TSPEAR: variants seen among roughly 807,000 people sequenced by gnomAD.
TSPEAR encodes thrombospondin type laminin G domain and EAR repeats.
In TSPEAR, 69 loss-of-function variants were observed where a neutral mutation model predicts 71.6. The observed-to-expected ratio is 0.96, with a 90% CI of 0.79 to 1.18. The LOEUF is 1.18. Among genes scored for constraint, TSPEAR ranks in the 50% most tolerant of loss-of-function variants. The pLI is 0.00. For synonymous variants in TSPEAR, 402 were observed against 387.2 expected (o/e 1.04, Z -0.45); for missense variants, 971 against 894.9 (o/e 1.09, Z -1.09).
At chr21:44,517,860 C>T (rs1555913688) in intron 9 of TSPEAR, 1 of 471,152 alleles carries the variant, frequency 2.1e-6, no homozygotes, top group Non-Finnish European at 4.4e-6. Flanking sequence ...CTCTCGCGCT[C>T]CTTGGGCTCA....
At chr21:44,524,507 T>G (rs587654359) in intron 8 of TSPEAR, among the ~76,000 whole-genome samples, 6 of 151,910 alleles carry the variant, frequency 3.9e-5, no homozygotes, top group East Asian at 2.0e-4. Context: ...AGGTAGTCAG[T>G]CAGGCAGTCA....
At chr21:44,516,756 C>T (rs2052585197) in intron 9 of TSPEAR, among the ~76,000 whole-genome samples, 1 of 152,204 alleles carries the variant, frequency 6.6e-6, no homozygotes, top group South Asian at 2.1e-4. Context: ...AAACATTCTC[C>T]TTTCATGCTT....
chr21:44,572,628 G>A (rs1244463060), intron 1 of TSPEAR, among the ~76,000 whole-genome samples: 3 of 151,778 alleles, frequency 2.0e-5, no homozygotes, highest in African/African-American at 7.3e-5. Context: ...CCGTGCCCAC[G>A]TCCTCATCCC....
At chr21:44,567,138 A>C (rs1381528866) in intron 2 of TSPEAR, among the ~76,000 whole-genome samples, 1 of 152,204 alleles carries the variant, frequency 6.6e-6, no homozygotes, top group African/African-American at 2.4e-5. Flanking sequence ...CAAATACATA[A>C]AGAATTCTTT....
In TSPEAR at chr21:44,623,619, A is replaced by C. The variant is rs951564380; in HGVS notation, c.83-55614T>G. On this transcript the variant is annotated intron_variant, in intron 1 of 11. Coordinates refer to ENST00000323084, the MANE Select transcript of TSPEAR (RefSeq NM_144991.3). The surrounding 1 kb of genome is among the most constrained non-coding windows in gnomAD (Gnocchi z 4.5). ...CTGTAGTGCAGATCCTACTGGTGAC[A>C]CAACCTCTCAGCATCCAGAGAACAT... 6.6e-6 allele frequency among the ~76,000 whole-genome samples: 1 copy of C among 152,154 alleles called. No individual in the cohort carries two copies. The highest frequency in any genetic ancestry group is 1.5e-5 in the Non-Finnish European group (1 of 68,028).
chr21:44,611,950 G>C (rs587727685), intron 1 of TSPEAR: 1 of 792,130 alleles, frequency 1.3e-6, no homozygotes, highest in African/African-American at 1.7e-5. Flanking sequence ...GGGTTGCCTG[G>C]AGGCAAAGTC....
At chr21:44,647,169 G>A in intron 1 of TSPEAR, 2 of 1,613,794 alleles carry the variant, frequency 1.2e-6, no homozygotes, top group Non-Finnish European at 1.7e-6. Context: ...CCTCCTCTGT[G>A]TCCCTCCTCT....
At chr21:44,591,552 C>A (rs1555926541) in intron 1 of TSPEAR, 3 of 1,611,878 alleles carry the variant, frequency 1.9e-6, no homozygotes, top group Non-Finnish European at 2.5e-6. Context: ...TGGACTTGCA[C>A]ACAGGGTGGC....
intron 1 of TSPEAR, among the ~76,000 whole-genome samples, chr21:44,576,162 T>C (rs1157444939): frequency 6.6e-6 from 1 of 152,202 alleles, no homozygotes; most frequent in East Asian, 1.9e-4. Flanking sequence ...TGCACAGGTG[T>C]CAGAGGGTGG....
intron 8 of TSPEAR, 134 bp from the exon 9 acceptor site, chr21:44,522,246 G>A (rs2052750338): frequency 1.3e-6 from 1 of 771,566 alleles, no homozygotes; most frequent in South Asian, 1.6e-5. Context: ...AACCGCTGGG[G>A]ACATCCTTTC....
At chr21:44,589,044 G>A (rs1209540416) in intron 1 of TSPEAR, among the ~76,000 whole-genome samples, 3 of 151,980 alleles carry the variant, frequency 2.0e-5, no homozygotes, top group Non-Finnish European at 4.4e-5. Context: ...TACAAATAGG[G>A]TGCAGTGTAT....
At chr21:44,578,679 G>A (rs1978637088) in intron 1 of TSPEAR, among the ~76,000 whole-genome samples, 1 of 152,176 alleles carries the variant, frequency 6.6e-6, no homozygotes. Context: ...GCCTTGCAGG[G>A]AGGGTAACTG....
At chr21:44,674,679 G>T (rs138318679) in intron 1 of TSPEAR, among the ~76,000 whole-genome samples, 2,929 of 151,580 alleles carry the variant, frequency 0.019, 50 homozygotes, top group Middle Eastern at 0.051. Context: ...ACCACACCAC[G>T]ACTGGGTCAT....
chr21:44,533,992 G>A (rs2053031396), intron 2 of TSPEAR, 69 bp from the exon 3 acceptor site: 3 of 1,171,528 alleles, frequency 2.6e-6, no homozygotes, highest in African/African-American at 3.1e-5. Flanking sequence ...AGGGCAGATG[G>A]GAATGGCAGA....
At chr21:44,602,036 C>A in intron 1 of TSPEAR, 1 of 508,194 alleles carries the variant, frequency 2.0e-6, no homozygotes, top group Middle Eastern at 5.3e-4. Context: ...AGACAGGTAC[C>A]AACTGGGTTT....
chr21:44,632,843 C>G (rs1555935960), intron 1 of TSPEAR, among the ~76,000 whole-genome samples: 3 of 151,814 alleles, frequency 2.0e-5, no homozygotes, highest in Non-Finnish European at 4.4e-5. Flanking sequence ...GACTCCATCT[C>G]AAAAAGAAAA....
At chr21:44,699,303 C>T (rs1469048527) in intron 1 of TSPEAR, among the ~76,000 whole-genome samples, 1 of 142,006 alleles carries the variant, frequency 7.0e-6, no homozygotes, top group Admixed American at 7.7e-5. Context: ...TCACTTGAGC[C>T]TGGGAGATCA....
chr21:44,534,744 TATAAAC>T (rs1555916194), intron 2 of TSPEAR, among the ~76,000 whole-genome samples: 3 of 152,192 alleles, frequency 2.0e-5, no homozygotes, highest in Admixed American at 6.5e-5. Context: ...CTCAAAAAGT[TATAAAC>T]AGAACGACCA....
chr21:44,502,984 A>T (rs62218851), intron 11 of TSPEAR, among the ~76,000 whole-genome samples: 358 of 45,792 alleles, frequency 7.8e-3, no homozygotes, highest in Middle Eastern at 0.025. Context: ...CGGTGAGCCC[A>T]CAGTGGGGAA....
Sources: allele counts gnomAD v4.1 joint callset (sites outside exome capture counted in the v4.1 genomes callset), GRCh38; gene constraint gnomAD v4.1.1; non-coding constraint Gnocchi (gnomAD v3.1); transcripts MANE v1.5; gene names NCBI Gene and HGNC (gene_info 2026-07-23, HGNC 2026-07-21).